TSPAN5: variants seen among roughly 807,000 people sequenced by gnomAD.
TSPAN5 encodes the protein tetraspanin-5.
In TSPAN5, 10 loss-of-function variants were observed where a neutral mutation model predicts 37.1. The observed-to-expected ratio is 0.27, with a 90% CI of 0.17 to 0.46. The LOEUF is 0.46. TSPAN5 is among the 20% of genes least tolerant of loss of function. The pLI is 1.00. For synonymous variants in TSPAN5, 110 were observed against 118.9 expected, an observed-to-expected ratio of 0.93 and a Z score of 0.48; for missense variants, 195 against 326.6, an observed-to-expected ratio of 0.60 and a Z score of 3.11.
chr4:98,554,480 C>A (rs1754693999), intron 1 of TSPAN5, among the ~76,000 whole-genome samples: 1 of 152,184 alleles, frequency 6.6e-6, no homozygotes, highest in African/African-American at 2.4e-5. Context: ...ACGCGCTAAT[C>A]ATACTCATTC....
chr4:98,556,427 T>A (rs1754753190), intron 1 of TSPAN5, among the ~76,000 whole-genome samples: 1 of 152,202 alleles, frequency 6.6e-6, no homozygotes, highest in Non-Finnish European at 1.5e-5. Flanking sequence ...GAACGAGGAA[T>A]AATTTTTCTG....
chr4:98,598,560 G>A (rs1755809985), intron 1 of TSPAN5, among the ~76,000 whole-genome samples: 1 of 152,066 alleles, frequency 6.6e-6, no homozygotes, highest in Non-Finnish European at 1.5e-5. Context: ...CACCTCCCGG[G>A]CTCAAGCAAT....
At chr4:98,533,786 G>A (rs1472285613) in intron 1 of TSPAN5, among the ~76,000 whole-genome samples, 6 of 148,832 alleles carry the variant, frequency 4.0e-5, no homozygotes, top group East Asian at 3.9e-4. Flanking sequence ...GCCTGACCTC[G>A]TGATCCGCCC....
intron 1 of TSPAN5, among the ~76,000 whole-genome samples, chr4:98,567,262 G>A (rs1340485912): frequency 6.6e-6 from 1 of 152,010 alleles, no homozygotes; most frequent in East Asian, 1.9e-4. Flanking sequence ...CCAAATTGTG[G>A]GTAGCCTCCT....
intron 1 of TSPAN5, among the ~76,000 whole-genome samples, chr4:98,517,870 A>G (rs997311800): frequency 6.6e-6 from 1 of 152,204 alleles, no homozygotes; most frequent in Non-Finnish European, 1.5e-5. Flanking sequence ...CCAAGGCTGA[A>G]AAACATACCA....
chr4:98,539,541 T>C (rs1387840918), intron 1 of TSPAN5, among the ~76,000 whole-genome samples: 1 of 152,220 alleles, frequency 6.6e-6, no homozygotes, highest in Non-Finnish European at 1.5e-5. Flanking sequence ...TACTGGGACA[T>C]TCATGCCTCA....
At chr4:98,617,876 G>T (rs1430787785) in intron 1 of TSPAN5, among the ~76,000 whole-genome samples, 2 of 152,166 alleles carry the variant, frequency 1.3e-5, no homozygotes, top group Non-Finnish European at 2.9e-5. Context: ...CCAGTTCAAG[G>T]TCTGGCCCAT....
intron 7 of TSPAN5, among the ~76,000 whole-genome samples, chr4:98,474,971 C>T (rs185132964): frequency 3.3e-4 from 50 of 152,358 alleles, no homozygotes; most frequent in Admixed American, 1.2e-3. Flanking sequence ...TGAGCTACCA[C>T]ACCTGGCCTG....
chr4:98,609,613 T>G (rs1404836791), intron 1 of TSPAN5, among the ~76,000 whole-genome samples: 1 of 152,176 alleles, frequency 6.6e-6, no homozygotes, highest in Non-Finnish European at 1.5e-5. Context: ...CGTGTCCAGG[T>G]GCAGGTCTAC....
At chr4:98,499,702 C>A (rs1245455939) in intron 2 of TSPAN5, among the ~76,000 whole-genome samples, 1 of 145,136 alleles carries the variant, frequency 6.9e-6, no homozygotes, top group Non-Finnish European at 1.5e-5. Context: ...ACTCTGCTGC[C>A]CAGGCTGGAG....
chr4:98,614,099 C>A (rs1756263661), intron 1 of TSPAN5, among the ~76,000 whole-genome samples: 2 of 152,182 alleles, frequency 1.3e-5, no homozygotes. Flanking sequence ...AGTAGTTTAG[C>A]AGTGGCTTGG....
intron 1 of TSPAN5, among the ~76,000 whole-genome samples, chr4:98,644,283 G>A (rs1341914806): frequency 2.0e-5 from 3 of 152,064 alleles, no homozygotes; most frequent in African/African-American, 7.2e-5. Context: ...CCTTTAAAAA[G>A]TTAATTAACT....
chr4:98,619,616 G>T (rs1332916933), intron 1 of TSPAN5, among the ~76,000 whole-genome samples: 1 of 152,186 alleles, frequency 6.6e-6, no homozygotes, highest in Non-Finnish European at 1.5e-5. Context: ...AAAGGCAGAA[G>T]TCAATCAAAT....
chr4:98,478,068 C>A (rs1456121971), intron 5 of TSPAN5, among the ~76,000 whole-genome samples: 1 of 152,110 alleles, frequency 6.6e-6, no homozygotes, highest in Admixed American at 6.6e-5. Context: ...ATATTTTATT[C>A]TTTTTTATAA....
At chr4:98,530,754 T>A (rs544216002) in intron 1 of TSPAN5, among the ~76,000 whole-genome samples, 1 of 114,982 alleles carries the variant, frequency 8.7e-6, no homozygotes, top group African/African-American at 3.6e-5. Context: ...CACACACACA[T>A]ATTTAGAAAC....
chr4:98,615,908 C>T (rs923901835), intron 1 of TSPAN5, among the ~76,000 whole-genome samples: 5 of 152,148 alleles, frequency 3.3e-5, no homozygotes, highest in Admixed American at 1.3e-4. Context: ...CAAAGTTCTG[C>T]GAAATGTCAG....
chr4:98,630,554 A>C (rs10003932), intron 1 of TSPAN5, among the ~76,000 whole-genome samples: 88,416 of 152,072 alleles, frequency 0.58, 27,455 homozygotes, highest in African/African-American at 0.8. Context: ...AATGAAGATG[A>C]CTTAGCAAAG....
At chr4:98,525,938 C>T (rs1165339949) in intron 1 of TSPAN5, among the ~76,000 whole-genome samples, 1 of 152,162 alleles carries the variant, frequency 6.6e-6, no homozygotes, top group Non-Finnish European at 1.5e-5. Flanking sequence ...TGTCTGTATA[C>T]TATTTTCTCA....
chr4:98,653,613 A>C (rs1239341292), intron 1 of TSPAN5, among the ~76,000 whole-genome samples: 4 of 152,188 alleles, frequency 2.6e-5, no homozygotes, highest in Non-Finnish European at 5.9e-5. Context: ...AAAGTACTAG[A>C]CTAAGGCATT....
Sources: gnomAD v4.1 joint callset for allele counts (sites outside exome capture counted in the v4.1 genomes callset) on GRCh38, gnomAD v4.1.1 for gene constraint, MANE v1.5 for transcripts, NCBI Gene and HGNC (gene_info 2026-07-23, HGNC 2026-07-21) for gene names.